SPTLC1: variants seen among roughly 807,000 people sequenced by gnomAD.
SPTLC1 encodes serine palmitoyltransferase 1.
Under a neutral mutation model 68.9 loss-of-function variants are expected in SPTLC1, and 55 were observed. The ratio of observed to expected loss-of-function variants is 0.80; its 90% confidence interval spans 0.64 to 1.00. SPTLC1 has a LOEUF of 1.00. Among genes scored for constraint, SPTLC1 ranks in the 50% least tolerant of loss-of-function variants. The pLI is 0.00. For synonymous variants in SPTLC1, 197 were observed against 201.6 expected, an observed-to-expected ratio of 0.98 and a Z score of 0.19; for missense variants, 449 against 573.1, an observed-to-expected ratio of 0.78 and a Z score of 2.21.
intron 3 of SPTLC1, among the ~76,000 whole-genome samples, chr9:92,085,695 G>A (rs981807065): frequency 6.3e-4 from 95 of 151,836 alleles, no homozygotes; most frequent in African/African-American, 2.3e-3. Flanking sequence ...GTGTGGTGTG[G>A]TGCTGAAAAA....
chr9:92,042,358 A>G (rs1833381286), intron 12 of SPTLC1, among the ~76,000 whole-genome samples: 1 of 152,228 alleles, frequency 6.6e-6, no homozygotes, highest in African/African-American at 2.4e-5. Context: ...CAGGACTTCC[A>G]TGCACATCAT....
intron 7 of SPTLC1, among the ~76,000 whole-genome samples, chr9:92,057,692 G>A (rs75901850): frequency 0.052 from 7,882 of 152,214 alleles, 267 homozygotes; most frequent in Middle Eastern, 0.071. Flanking sequence ...GAACCATGGC[G>A]CTTGGAAAAT....
intron 9 of SPTLC1, among the ~76,000 whole-genome samples, chr9:92,048,179 C>T (rs75001576): frequency 5.3e-5 from 8 of 152,292 alleles, no homozygotes; most frequent in Non-Finnish European, 1.0e-4. Context: ...TTTATCCAAA[C>T]GTCATGGCGA....
chr9:92,080,556 G>A (rs185272227), intron 4 of SPTLC1, among the ~76,000 whole-genome samples: 2 of 151,368 alleles, frequency 1.3e-5, no homozygotes, highest in African/African-American at 4.8e-5. Flanking sequence ...TCTTTTTTTT[G>A]GAGATAGAGT....
chr9:92,068,065 T>G lies in SPTLC1; in HGVS notation c.461A>C (p.Lys154Thr). The change falls in exon 6 of 15, where the codon AAA becomes ACA. Residue 154 changes from lysine to threonine, a missense_variant. Around this residue, in one of 3 missense-constraint regions of SPTLC1, gnomAD observed 391 missense variants for 472.1 expected, o/e 0.83. Transcript: ENST00000262554. ...AATGGCTTCTTCTGTCTTCATAAAT[T>G]TTGCCAGGCGGTCTTCCAAATCCAA... is the stretch of plus-strand genomic sequence containing the variant. ...VHLDLEDRLA[K>T]FMKTEEAIIY... 2 of 1,614,066 alleles carry G rather than the reference T, an allele frequency of 1.2e-6. No homozygotes were observed. Among genetic ancestry groups the G allele is most frequent in the Non-Finnish European group, 1.7e-6 (2 of 1,179,988 alleles).
intron 12 of SPTLC1, among the ~76,000 whole-genome samples, chr9:92,043,449 G>A (rs1480536108): frequency 1.3e-5 from 2 of 152,210 alleles, no homozygotes. Context: ...TGCACTCCAT[G>A]TCTGATGGGC....
chr9:92,114,410 T>A (rs1836360154), intron 1 of SPTLC1, among the ~76,000 whole-genome samples: 1 of 152,166 alleles, frequency 6.6e-6, no homozygotes. Flanking sequence ...CTGAAATAAC[T>A]AGGCTTCAAA....
At chr9:92,084,655 G>A (rs1159335040) in intron 3 of SPTLC1, among the ~76,000 whole-genome samples, 2 of 152,058 alleles carry the variant, frequency 1.3e-5, no homozygotes, top group South Asian at 4.2e-4. Context: ...GTATTTTATT[G>A]AGGATTTTTG....
intron 3 of SPTLC1, among the ~76,000 whole-genome samples, chr9:92,093,829 C>T (rs1420229313): frequency 6.6e-6 from 1 of 151,978 alleles, no homozygotes; most frequent in African/African-American, 2.4e-5. Flanking sequence ...ATTTAGAAAC[C>T]GGGAGGTGCT....
intron 3 of SPTLC1, among the ~76,000 whole-genome samples, chr9:92,081,595 C>G (rs1249304216): frequency 2.6e-5 from 4 of 152,148 alleles, no homozygotes; most frequent in Non-Finnish European, 5.9e-5. Flanking sequence ...GTTAAGCCCT[C>G]TGCTGATCTA....
At chr9:92,082,251 T>C (rs1310124742) in intron 3 of SPTLC1, among the ~76,000 whole-genome samples, 2 of 152,124 alleles carry the variant, frequency 1.3e-5, no homozygotes, top group Non-Finnish European at 2.9e-5. Context: ...TATTTTATTA[T>C]TATTATACTC....
At chr9:92,043,815 G>A (rs1187864773) in intron 12 of SPTLC1, among the ~76,000 whole-genome samples, 1 of 152,182 alleles carries the variant, frequency 6.6e-6, no homozygotes, top group Non-Finnish European at 1.5e-5. Context: ...TAGGGTATCA[G>A]ATAGGCTGTT....
At chr9:92,060,816 G>A (rs1834069649) in intron 6 of SPTLC1, among the ~76,000 whole-genome samples, 1 of 151,666 alleles carries the variant, frequency 6.6e-6, no homozygotes, top group South Asian at 2.1e-4. Flanking sequence ...GGGAGGCTGA[G>A]GCAGGAGAAT....
At position 92,032,230 on chromosome 9, in the gene SPTLC1, C is replaced by A; in HGVS notation, c.*235G>T. 1 of 1,447,734 alleles carries A rather than the reference C, an allele frequency of 6.9e-7. No homozygotes were observed. The highest frequency in any genetic ancestry group is 2.2e-5 in the Admixed American group (1 of 46,370). 89.7% of individuals were successfully genotyped at this position (1,447,734 alleles called of 1,614,324 possible). A position where few individuals can be genotyped will look rare whatever the true frequency, so the allele number is the denominator to read the frequency against. On this transcript the variant is annotated 3_prime_UTR_variant, in exon 15 of 15. Transcript: ENST00000262554. ...AATTTAAACATCAGTTATACACTGT[C>A]ATTAGTTTTCCTCTTAAAAAAATCA...
chr9:92,110,929 C>T (rs1313113431), intron 2 of SPTLC1: 1 of 152,206 alleles, frequency 6.6e-6, no homozygotes, highest in Non-Finnish European at 1.5e-5. Flanking sequence ...ACTCTATAGT[C>T]TGAATATAGC....
At chr9:92,081,434 A>C (rs1390050008) in intron 3 of SPTLC1, among the ~76,000 whole-genome samples, 12 of 152,218 alleles carry the variant, frequency 7.9e-5, no homozygotes, top group Non-Finnish European at 1.5e-4. Flanking sequence ...AGTAAGTGGG[A>C]TATGTTCCCA....
At chr9:92,072,276 C>T (rs934505136) in intron 5 of SPTLC1, among the ~76,000 whole-genome samples, 4 of 152,210 alleles carry the variant, frequency 2.6e-5, no homozygotes, top group South Asian at 2.1e-4. Context: ...GTCTACGGAT[C>T]GGGTAAGCTG....
Position 92,055,528 on chromosome 9 carries a change from C to T in SPTLC1, c.691-34G>A, listed in dbSNP as rs780167780. ...GAGAAAAAGCAGACATCTTACATTT[C>T]AGTAACTCTGAAGACAAGATCTGTT... On this transcript the variant is annotated intron_variant, in intron 7 of 14. Coordinates refer to ENST00000262554, the MANE Select transcript of SPTLC1 (RefSeq NM_006415.4). 4.4e-6 allele frequency: 7 copies of T among 1,605,680 alleles called. No homozygotes were observed. In the South Asian group the frequency reaches 7.7e-5, roughly 18 times the overall value.
intron 1 of SPTLC1, among the ~76,000 whole-genome samples, chr9:92,113,794 C>T (rs137904587): frequency 2.0e-5 from 3 of 152,224 alleles, no homozygotes; most frequent in East Asian, 3.9e-4. Context: ...TACCAGTAGA[C>T]GGTGATATTA....
Sources: gnomAD v4.1 joint callset for allele counts (sites outside exome capture counted in the v4.1 genomes callset) on GRCh38, gnomAD v4.1.1 for gene constraint, gnomAD v4.1.1 regional missense constraint, MANE v1.5 for transcripts, NCBI Gene and HGNC (gene_info 2026-07-23, HGNC 2026-07-21) for gene names.